Variants in ADGRL3 observed in about 807,000 individuals in gnomAD.
ADGRL3 encodes adhesion G protein-coupled receptor L3.
Under a neutral mutation model 153.5 loss-of-function variants are expected in ADGRL3, and 62 were observed. The ratio of observed to expected loss-of-function variants is 0.40; its 90% confidence interval spans 0.33 to 0.50. The LOEUF is 0.50. ADGRL3 is among the 20% of genes least tolerant of loss of function. The probability of loss-of-function intolerance (pLI) is 0.47; values close to 1 mark genes in which losing one functional copy is unlikely to be tolerated. For missense variants in ADGRL3, 1,641 were observed against 1,859.4 expected, an observed-to-expected ratio of 0.88 and a Z score of 2.16; for synonymous variants, 710 against 672.5, an observed-to-expected ratio of 1.06 and a Z score of -0.86.
chr4:61,295,821 A>G (rs896173532), intron 1 of ADGRL3, among the ~76,000 whole-genome samples: 6 of 151,736 alleles, frequency 4.0e-5, no homozygotes, highest in African/African-American at 1.5e-4. Context: ...AAAAAAAAGA[A>G]AAAAGTCCAA....
intron 6 of ADGRL3, among the ~76,000 whole-genome samples, chr4:61,694,221 G>T (rs1357839541): frequency 2.5e-4 from 14 of 56,606 alleles, no homozygotes; most frequent in East Asian, 4.1e-4. Context: ...TTTTTTTTTA[G>T]AGGCAGGATC....
intron 25 of ADGRL3, among the ~76,000 whole-genome samples, chr4:62,054,434 G>C (rs1393091902): frequency 6.6e-6 from 1 of 151,596 alleles, no homozygotes; most frequent in Non-Finnish European, 1.5e-5. Flanking sequence ...TCTCTAAAGA[G>C]CTTTGGTTTC....
At chr4:61,549,696 G>T (rs1297353416) in intron 4 of ADGRL3, among the ~76,000 whole-genome samples, 1 of 151,692 alleles carries the variant, frequency 6.6e-6, no homozygotes, top group Non-Finnish European at 1.5e-5. Context: ...TAAGATTCAG[G>T]TCCCAGTATT....
intron 8 of ADGRL3, among the ~76,000 whole-genome samples, 151 bp downstream of exon 8, chr4:61,733,705 T>C (rs1476133929): frequency 1.3e-5 from 2 of 152,198 alleles, no homozygotes; most frequent in Admixed American, 1.3e-4. Context: ...AGAAGGTTGC[T>C]GCTGATCACT....
rs905571626 is a variant in ADGRL3 at position 61,791,357 on chromosome 4, G to T, written c.1400-22452G>T. The stretch of plus-strand genomic sequence containing the variant: ...CATGCAAGTCCAAAATCCAGGGAGG[G>T]CAGTCAAATCTTAAAGCTCCAAAAT... On this transcript the variant is annotated intron_variant, in intron 8 of 26. Coordinates refer to ENST00000683033, the MANE Select transcript of ADGRL3 (RefSeq NM_001387552.1). Among the ~76,000 whole-genome samples, 7 of 152,306 alleles carry T rather than the reference G, an allele frequency of 4.6e-5. No individual in the cohort carries two copies. In the East Asian group the frequency reaches 5.8e-4, roughly 13 times the overall value.
Position 62,070,808 on chromosome 4 carries a change from G to C in ADGRL3, c.4532G>C (p.Gly1511Ala), listed in dbSNP as rs774123797. Residue 1511 changes from glycine (G) to alanine (A), a missense_variant, in exon 27 of 27, where the codon GGT becomes GCT. Transcript: ENST00000683033. ...CAGCTGCATACTTACTACCAGCTAG[G>C]TCGCGGCAGCAGTGATGGATTTATA... Reference protein sequence around the residue: ...VHQLHTYYQLGRGSSDGFIVP... With the variant: ...VHQLHTYYQLARGSSDGFIVP... The C allele has an allele frequency of 4.5e-6, 7 of 1,551,678 alleles. No individual in the cohort carries two copies. The highest frequency in any genetic ancestry group is 6.1e-6 in the Non-Finnish European group (7 of 1,146,970).
chr4:61,271,245 A>G (rs1477706724), intron 1 of ADGRL3, among the ~76,000 whole-genome samples: 2 of 151,854 alleles, frequency 1.3e-5, no homozygotes, highest in African/African-American at 4.8e-5. Context: ...TTGAATGTCT[A>G]AGGCCTTGCT....
chr4:62,069,211 T>A (rs905286791), intron 26 of ADGRL3, among the ~76,000 whole-genome samples: 1 of 152,166 alleles, frequency 6.6e-6, no homozygotes, highest in African/African-American at 2.4e-5. Context: ...ATGTTTATCC[T>A]TTTGAAACCC....
chr4:61,285,907 G>A (rs577860016), intron 1 of ADGRL3, among the ~76,000 whole-genome samples: 1 of 151,700 alleles, frequency 6.6e-6, no homozygotes, highest in South Asian at 2.1e-4. Flanking sequence ...CTCATGCAAA[G>A]GAGAACTACA....
intron 8 of ADGRL3, among the ~76,000 whole-genome samples, chr4:61,752,345 C>T (rs561586464): frequency 7.2e-5 from 11 of 152,208 alleles, no homozygotes; most frequent in African/African-American, 2.6e-4. Flanking sequence ...TATTACTAGC[C>T]TGGAAAGCCT....
intron 2 of ADGRL3, among the ~76,000 whole-genome samples, chr4:61,475,135 G>A (rs1258959016): frequency 2.6e-5 from 4 of 152,142 alleles, no homozygotes; most frequent in African/African-American, 9.7e-5. Flanking sequence ...TCCCAAGCTA[G>A]GAAATTTTCT....
chr4:61,465,563 A>G (rs941169269), intron 2 of ADGRL3, among the ~76,000 whole-genome samples: 4 of 151,564 alleles, frequency 2.6e-5, no homozygotes, highest in African/African-American at 7.2e-5. Flanking sequence ...CTTTCTACCT[A>G]TGTCTTCTAT....
At chr4:61,284,319 C>T (rs529147366) in intron 1 of ADGRL3, among the ~76,000 whole-genome samples, 1 of 151,836 alleles carries the variant, frequency 6.6e-6, no homozygotes, top group Non-Finnish European at 1.5e-5. Context: ...TTACTTAAAA[C>T]ATAGACTCAA....
intron 4 of ADGRL3, among the ~76,000 whole-genome samples, chr4:61,519,326 T>G (rs1182280089): frequency 1.3e-5 from 2 of 152,204 alleles, no homozygotes; most frequent in Admixed American, 6.5e-5. Context: ...AAGTCACATT[T>G]TTAAATCAAT....
In ADGRL3 at chr4:62,070,415, A is replaced by T. The variant is rs1577771591; in HGVS notation, c.4139A>T (p.Asp1380Val). ...GREDDAIVLD[D>V]ATSFNHEESL... ...GAAGATGATGCCATTGTCCTGGATG[A>T]TGCCACCTCGTTTAACCACGAGGAG... The change falls in exon 27 of 27, where the codon GAT (aspartate) becomes GTT (valine). Residue 1380 changes from aspartate to valine, a missense_variant. Around this residue, in one of 5 missense-constraint regions of ADGRL3, gnomAD observed 517 missense variants for 555.0 expected, o/e 0.93. Transcript: ENST00000683033. The T allele has an allele frequency of 6.4e-7, 1 of 1,552,030 alleles. No homozygotes were observed. Among genetic ancestry groups the T allele is most frequent in the South Asian group, 1.2e-5 (1 of 84,042 alleles).
chr4:61,885,000 G>C (rs1197280501), intron 9 of ADGRL3, among the ~76,000 whole-genome samples: 1 of 151,590 alleles, frequency 6.6e-6, no homozygotes, highest in Admixed American at 6.6e-5. Context: ...AGCCTGGCCG[G>C]GCACTGTGGC....
chr4:61,318,558 T>A (rs2150704026), intron 1 of ADGRL3, among the ~76,000 whole-genome samples: 1 of 152,280 alleles, frequency 6.6e-6, no homozygotes, highest in East Asian at 1.9e-4. Context: ...TCACCCCTTT[T>A]TAGAAGAATT....
chr4:61,687,871 C>T (rs2151078111), intron 6 of ADGRL3, among the ~76,000 whole-genome samples: 1 of 152,030 alleles, frequency 6.6e-6, no homozygotes, highest in African/African-American at 2.4e-5. Flanking sequence ...TATTTATTGA[C>T]TTACAGTTCT....
intron 2 of ADGRL3, among the ~76,000 whole-genome samples, chr4:61,474,684 A>T (rs1258832904): frequency 1.3e-5 from 2 of 152,244 alleles, no homozygotes; most frequent in East Asian, 3.9e-4. Flanking sequence ...TTTTCCCCTT[A>T]AACAGAAAGA....
Sources: allele counts gnomAD v4.1 joint callset (sites outside exome capture counted in the v4.1 genomes callset), GRCh38; gene constraint gnomAD v4.1.1; regional missense constraint gnomAD v4.1.1; transcripts MANE v1.5; gene names NCBI Gene and HGNC (gene_info 2026-07-23, HGNC 2026-07-21).